KANK4: variants seen among roughly 807,000 people sequenced by gnomAD.
The protein encoded by KANK4 is KN motif and ankyrin repeat domains 4, also known as KN motif and ankyrin repeat domain-containing protein 4.
KANK4 carries 50 observed loss-of-function variants against 80.8 expected under a neutral mutation model. That is an observed-to-expected ratio of 0.62 (90% confidence interval 0.49 to 0.78). The LOEUF is 0.78. Among genes scored for constraint, KANK4 ranks in the 30% least tolerant of loss-of-function variants. KANK4 has a pLI of 0.00. For missense variants in KANK4, 1,196 were observed against 1,240.1 expected (o/e 0.96, Z 0.53); for synonymous variants, 465 against 506.9 (o/e 0.92, Z 1.11).
intron 1 of KANK4, among the ~76,000 whole-genome samples, chr1:62,315,595 C>A (rs1644532442): frequency 6.6e-6 from 1 of 152,092 alleles, no homozygotes; most frequent in Admixed American, 6.6e-5. Context: ...TTCTCAAACC[C>A]ATTGTACAGA....
intron 9 of KANK4, among the ~76,000 whole-genome samples, chr1:62,246,612 G>T (rs1435695625): frequency 6.6e-6 from 1 of 151,952 alleles, no homozygotes; most frequent in African/African-American, 2.4e-5. Flanking sequence ...ATTCAAATTT[G>T]TTAGAGACAG....
At chr1:62,308,116 G>T (rs1228353185) in intron 1 of KANK4, among the ~76,000 whole-genome samples, 6 of 152,202 alleles carry the variant, frequency 3.9e-5, no homozygotes, top group African/African-American at 1.4e-4. Context: ...CCAGGAACCA[G>T]CATTCACCTC....
chr1:62,256,311 G>A (rs1056373694), intron 7 of KANK4, among the ~76,000 whole-genome samples: 1 of 151,988 alleles, frequency 6.6e-6, no homozygotes, highest in Non-Finnish European at 1.5e-5. Flanking sequence ...ATGTCAATTA[G>A]TGCTATTTGC....
intron 7 of KANK4, among the ~76,000 whole-genome samples, chr1:62,259,334 T>C (rs1262344306): frequency 6.6e-6 from 1 of 152,004 alleles, no homozygotes; most frequent in Non-Finnish European, 1.5e-5. Context: ...TGCAGTGCAG[T>C]GGTGTGATCA....
chr1:62,244,703 C>T (rs910673217), intron 9 of KANK4, among the ~76,000 whole-genome samples: 3 of 152,124 alleles, frequency 2.0e-5, no homozygotes, highest in African/African-American at 7.2e-5. Flanking sequence ...TGCCCAGTCT[C>T]GGGTATGTCT....
At chr1:62,257,484 G>T (rs1035116966) in intron 7 of KANK4, among the ~76,000 whole-genome samples, 1 of 152,214 alleles carries the variant, frequency 6.6e-6, no homozygotes, top group African/African-American at 2.4e-5. Context: ...TCTCGACAGA[G>T]CATCCTCTGA....
intron 1 of KANK4, among the ~76,000 whole-genome samples, chr1:62,295,332 C>T (rs1183648461): frequency 6.6e-6 from 1 of 152,154 alleles, no homozygotes; most frequent in African/African-American, 2.4e-5. Context: ...TTAGTAGAGA[C>T]AGGGTTTCGC....
chr1:62,267,639 A>C (rs997965100), intron 5 of KANK4, among the ~76,000 whole-genome samples: 1 of 152,038 alleles, frequency 6.6e-6, no homozygotes, highest in Non-Finnish European at 1.5e-5. Context: ...GTCTCTACTA[A>C]AAAATACAAA....
rs148533474 is a variant in KANK4 at position 62,273,630 on chromosome 1, G to A, written c.1474C>T (p.His492Tyr). 19 of 1,614,124 alleles carry A rather than the reference G, an allele frequency of 1.2e-5. No individual in the cohort carries two copies. In the African/African-American group the frequency reaches 2.4e-4, roughly 20 times the overall value. The change falls in exon 3 of 10, where the codon CAT (histidine) becomes TAT (tyrosine). Residue 492 changes from histidine (H) to tyrosine (Y), a missense_variant. His to Tyr is a moderately conservative substitution (Grantham distance 83). This residue lies in a region of KANK4 where 1,154 missense variants were observed against 1,179.6 expected (regional missense o/e 0.98). Coordinates refer to ENST00000371153, the MANE Select transcript of KANK4 (RefSeq NM_181712.5). The stretch of plus-strand genomic sequence containing the variant: ...CTGAGTTCAGTGGAGAGGAAGCTAT[G>A]TACAGAGGAGGTAAGGACCTGCTCG... ...GPEQVLTSSV[H>Y]SFLSTELRIE...
chr1:62,292,274 A>G (rs1672694558), intron 1 of KANK4, among the ~76,000 whole-genome samples: 1 of 152,154 alleles, frequency 6.6e-6, no homozygotes, highest in African/African-American at 2.4e-5. Flanking sequence ...CCTTGGTAAT[A>G]GAGTCCATAC....
intron 8 of KANK4, 147 bp from the exon 9 acceptor site, chr1:62,247,819 T>G: frequency 1.5e-6 from 1 of 674,288 alleles, no homozygotes; most frequent in Non-Finnish European, 2.6e-6. Flanking sequence ...TAACCTTCTC[T>G]GCTTGGCAAA....
intron 9 of KANK4, among the ~76,000 whole-genome samples, chr1:62,238,988 T>C (rs1344444883): frequency 6.6e-6 from 1 of 152,156 alleles, no homozygotes; most frequent in African/African-American, 2.4e-5. Flanking sequence ...GCTGTTCCAT[T>C]ACATGTATCT....
intron 6 of KANK4, among the ~76,000 whole-genome samples, chr1:62,263,925 A>G (rs1304312672): frequency 6.6e-6 from 1 of 152,250 alleles, no homozygotes; most frequent in Admixed American, 6.5e-5. Context: ...TGCAGCATTC[A>G]GCTCCTCTGG....
At chr1:62,242,393 GA>G (rs938200086) in intron 9 of KANK4, among the ~76,000 whole-genome samples, 1 of 116,622 alleles carries the variant, frequency 8.6e-6, no homozygotes, top group African/African-American at 3.3e-5. Context: ...AAAAAAAAAG[GA>G]AAGAAAAAGA....
intron 1 of KANK4, among the ~76,000 whole-genome samples, chr1:62,312,907 C>T (rs983350430): frequency 5.3e-5 from 8 of 152,210 alleles, no homozygotes; most frequent in South Asian, 2.1e-4. Context: ...CTCCTCTCCA[C>T]GGTATCAACT....
At chr1:62,275,218 G>A (rs1203606443) in intron 2 of KANK4, 131 bp from the exon 3 acceptor site, 6 of 678,506 alleles carry the variant, frequency 8.8e-6, no homozygotes, top group East Asian at 5.3e-5. Context: ...TTCTAGCCTC[G>A]AAATTATGCT....
chr1:62,281,502 G>A (rs1238735109), intron 2 of KANK4, 47 bp downstream of exon 2: 2 of 1,612,782 alleles, frequency 1.2e-6, no homozygotes, highest in Non-Finnish European at 8.5e-7. Flanking sequence ...TTCTTTCCCA[G>A]CCCAAGTGCT....
intron 1 of KANK4, among the ~76,000 whole-genome samples, chr1:62,285,266 A>C (rs972952140): frequency 6.6e-6 from 1 of 152,210 alleles, no homozygotes; most frequent in African/African-American, 2.4e-5. Flanking sequence ...CCAGCAAAGA[A>C]GTGGTCACTT....
intron 1 of KANK4, among the ~76,000 whole-genome samples, chr1:62,316,493 G>C (rs1355537712): frequency 6.6e-6 from 1 of 152,178 alleles, no homozygotes; most frequent in Non-Finnish European, 1.5e-5. Flanking sequence ...AGGAGCTTAG[G>C]AATCCCTACT....
Sources: gnomAD v4.1 joint callset for allele counts (sites outside exome capture counted in the v4.1 genomes callset) on GRCh38, gnomAD v4.1.1 for gene constraint, gnomAD v4.1.1 regional missense constraint, MANE v1.5 for transcripts, NCBI Gene and HGNC (gene_info 2026-07-23, HGNC 2026-07-21) for gene names.